Variants in APBA1 observed in about 807,000 individuals in gnomAD.
APBA1 encodes the protein amyloid beta precursor protein binding family A member 1.
A neutral mutation model predicts 86.6 loss-of-function variants in APBA1; 55 were observed. That is an observed-to-expected ratio of 0.64 (90% CI 0.51 to 0.80). The LOEUF (loss-of-function observed/expected upper bound fraction) is 0.80, where lower values mean the gene tolerates loss of function less well. APBA1 is among the 30% of genes least tolerant of loss of function. The pLI is 0.00. For missense variants in APBA1, 1,090 were observed against 1,183.0 expected (o/e 0.92, Z 1.15); for synonymous variants, 511 against 493.9 (o/e 1.03, Z -0.46).
chr9:69,482,944 G>C (rs1386370825), intron 2 of APBA1, among the ~76,000 whole-genome samples: 2 of 124,962 alleles, frequency 1.6e-5, no homozygotes, highest in African/African-American at 6.2e-5. Flanking sequence ...ACAGGAAGGG[G>C]AATATCACAC....
chr9:69,487,865 G>A (rs539696295), intron 2 of APBA1, among the ~76,000 whole-genome samples: 1 of 152,220 alleles, frequency 6.6e-6, no homozygotes, highest in South Asian at 2.1e-4. Context: ...CCAAACACTA[G>A]CATCTACTTA....
intron 1 of APBA1, among the ~76,000 whole-genome samples, chr9:69,628,637 G>GA: frequency 6.6e-6 from 1 of 152,264 alleles, no homozygotes; most frequent in Admixed American, 6.5e-5. Flanking sequence ...GTTCTGCGAT[G>GA]AAAAGCTTAT....
chr9:69,490,241 G>A (rs7869225), intron 2 of APBA1, among the ~76,000 whole-genome samples: 41,201 of 151,370 alleles, frequency 0.27, 5,889 homozygotes, highest in East Asian at 0.37. Flanking sequence ...ACCAAACACC[G>A]CATATTCTCA....
intron 1 of APBA1, among the ~76,000 whole-genome samples, chr9:69,599,496 T>C (rs1224604220): frequency 6.6e-6 from 1 of 152,190 alleles, no homozygotes; most frequent in East Asian, 1.9e-4. Flanking sequence ...CACTCTCACA[T>C]ACTCCCTCCA....
chr9:69,517,118 G>A lies in APBA1; in HGVS notation c.93C>T (p.His31=). ...GCTGCTGTTCCTCTTCCACCTCGGG[G>A]TGCTCCAGGTCGGCCTCCACCGACT... ...VNESVEADLE[H]PEVEEEQQQP... is the part of the protein sequence containing the mutation. Residue 31 remains histidine (H), a synonymous_variant, in exon 2 of 13, where the codon CAC becomes CAT. Transcript: ENST00000265381. The A allele has an allele frequency of 6.4e-7, 1 of 1,574,036 alleles. No homozygotes were observed. Among genetic ancestry groups the A allele is most frequent in the Non-Finnish European group, 8.6e-7 (1 of 1,162,736 alleles).
At chr9:69,449,144 G>A (rs1199006754) in intron 10 of APBA1, among the ~76,000 whole-genome samples, 2 of 152,090 alleles carry the variant, frequency 1.3e-5, no homozygotes, top group Admixed American at 6.5e-5. Context: ...CAGGGCCACT[G>A]GGAAGGAAAA....
chr9:69,659,306 G>A (rs1823704858), intron 1 of APBA1, among the ~76,000 whole-genome samples: 1 of 152,168 alleles, frequency 6.6e-6, no homozygotes, highest in South Asian at 2.1e-4. Flanking sequence ...AGAAGCAGGA[G>A]ATGTGATAGG....
At chr9:69,573,712 AC>A (rs1192648894) in intron 1 of APBA1, among the ~76,000 whole-genome samples, 1 of 152,190 alleles carries the variant, frequency 6.6e-6, no homozygotes, top group Non-Finnish European at 1.5e-5. Context: ...GCAGTTTCTG[AC>A]AATTTCCAAG....
chr9:69,560,220 T>C (rs1356975210), intron 1 of APBA1, among the ~76,000 whole-genome samples: 1 of 152,260 alleles, frequency 6.6e-6, no homozygotes, highest in Non-Finnish European at 1.5e-5. Context: ...TTTCATACTT[T>C]GGTGATTTCT....
intron 1 of APBA1, among the ~76,000 whole-genome samples, chr9:69,615,063 G>A (rs58139268): frequency 0.035 from 5,375 of 152,168 alleles, 319 homozygotes; most frequent in African/African-American, 0.12. Context: ...AGCTGGGCGT[G>A]GTGGTGTACA....
chr9:69,627,161 T>C (rs1430395453), intron 1 of APBA1, among the ~76,000 whole-genome samples: 1 of 152,166 alleles, frequency 6.6e-6, no homozygotes, highest in African/African-American at 2.4e-5. Flanking sequence ...TCCAAGAATA[T>C]GGGCACTCTA....
In APBA1 at chr9:69,432,518, G is replaced by A. The variant is rs752578797; in HGVS notation, c.2442+18C>T. 1.3e-6 allele frequency: 2 copies of A among 1,520,202 alleles called. No homozygotes were observed. The highest frequency in any genetic ancestry group is 2.5e-5 in the East Asian group (1 of 40,046). The allele number at this position is 1,520,202 out of a possible 1,614,324, so 94.2% of individuals were successfully genotyped here. On this transcript the variant is annotated intron_variant, in intron 12 of 12. Coordinates refer to ENST00000265381, the MANE Select transcript of APBA1 (RefSeq NM_001163.4). The stretch of plus-strand genomic sequence containing the variant: ...GACGCGGCCCTCAGCACCACCCTCA[G>A]CCCCGGACCTCTCCTACCTCCCCAA...
intron 1 of APBA1, among the ~76,000 whole-genome samples, chr9:69,536,584 A>T (rs1836514226): frequency 1.3e-5 from 2 of 151,430 alleles, no homozygotes; most frequent in South Asian, 4.2e-4. Context: ...ACATTCACAT[A>T]GGCTGGGTGC....
chr9:69,482,365 T>G (rs1331939845), intron 2 of APBA1, among the ~76,000 whole-genome samples: 1 of 151,544 alleles, frequency 6.6e-6, no homozygotes, highest in Non-Finnish European at 1.5e-5. Context: ...AAAAAACACA[T>G]GAAAAAATGC....
rs191229646 is a variant in APBA1, at chr9:69,473,401, C to T, written c.1297-1706G>A. On this transcript the variant is annotated intron_variant, in intron 3 of 12. Transcript: ENST00000265381. The stretch of plus-strand genomic sequence containing the variant: ...TTATTATTTCCCAACCATTTCCCTA[C>T]CCTTGTCCCAAGTAACTATAGCCTG... Among the ~76,000 whole-genome samples the T allele has an allele frequency of 3.3e-5, 5 of 152,334 alleles. No homozygotes were observed. In the East Asian group the frequency reaches 9.6e-4, roughly 29 times the overall value.
intron 1 of APBA1, among the ~76,000 whole-genome samples, chr9:69,559,124 T>TCTGAGTTTTTAAGA (rs1197308972): frequency 6.6e-6 from 1 of 152,202 alleles, no homozygotes; most frequent in Non-Finnish European, 1.5e-5. Context: ...ACTCCAATCC[T>TCTGAGTTTTTAAGA]CTGAGTTCTA....
chr9:69,640,499 C>T (rs749184421), intron 1 of APBA1, among the ~76,000 whole-genome samples: 1 of 151,746 alleles, frequency 6.6e-6, no homozygotes, highest in Non-Finnish European at 1.5e-5. Context: ...ACAGAGTCAA[C>T]ATTTTGACTC....
chr9:69,540,471 C>G (rs562283647), intron 1 of APBA1, among the ~76,000 whole-genome samples: 5 of 152,234 alleles, frequency 3.3e-5, no homozygotes, highest in African/African-American at 4.8e-5. Flanking sequence ...TGATGGATCT[C>G]TAGAATTTAC....
intron 1 of APBA1, among the ~76,000 whole-genome samples, chr9:69,577,459 C>T (rs985967558): frequency 4.6e-5 from 7 of 152,146 alleles, no homozygotes; most frequent in South Asian, 2.1e-4. Context: ...TACACCAGCA[C>T]ACAAGGGGAA....
Sources: gnomAD v4.1 joint callset for allele counts (sites outside exome capture counted in the v4.1 genomes callset) on GRCh38, gnomAD v4.1.1 for gene constraint, MANE v1.5 for transcripts, NCBI Gene and HGNC (gene_info 2026-07-23, HGNC 2026-07-21) for gene names.